CAMTA1: variants seen among roughly 807,000 people sequenced by gnomAD.
The protein encoded by CAMTA1 is calmodulin binding transcription activator 1, also known as calmodulin-binding transcription activator 1.
Under a neutral mutation model 170.9 loss-of-function variants are expected in CAMTA1, and 27 were observed. The observed-to-expected ratio is 0.16, with a 90% CI of 0.12 to 0.22. The LOEUF (loss-of-function observed/expected upper bound fraction) is 0.22. Ranked by LOEUF, CAMTA1 falls within the 10% of genes least tolerant of loss-of-function variation. The pLI is 1.00. For synonymous variants in CAMTA1, 833 were observed against 891.5 expected (o/e 0.93, Z 1.17); for missense variants, 1,619 against 2,217.2 (o/e 0.73, Z 5.42).
intron 4 of CAMTA1, among the ~76,000 whole-genome samples, chr1:7,118,439 T>G (rs1644461310): frequency 6.6e-6 from 1 of 151,134 alleles, no homozygotes; most frequent in African/African-American, 2.4e-5. Context: ...ACCACAGGAG[T>G]ACATCACCAT....
chr1:7,240,706 A>G (rs1664712723), intron 4 of CAMTA1, among the ~76,000 whole-genome samples: 1 of 151,914 alleles, frequency 6.6e-6, no homozygotes. Flanking sequence ...GGGTTTTGCC[A>G]TGTTGTCCAG....
chr1:7,353,360 T>C (rs1251056680), intron 5 of CAMTA1, among the ~76,000 whole-genome samples: 26 of 151,126 alleles, frequency 1.7e-4, no homozygotes, highest in Admixed American at 1.7e-3. Context: ...CAGTGACTCC[T>C]CTCCAGTAGC....
At chr1:7,306,344 T>C (rs1456438526) in intron 5 of CAMTA1, among the ~76,000 whole-genome samples, 2 of 152,064 alleles carry the variant, frequency 1.3e-5, no homozygotes. Flanking sequence ...TTTGTTTTTG[T>C]TTGCATTTAG....
At chr1:7,471,690 T>A (rs549305978) in intron 6 of CAMTA1, among the ~76,000 whole-genome samples, 43 of 152,358 alleles carry the variant, frequency 2.8e-4, no homozygotes, top group African/African-American at 9.9e-4. Context: ...TACCGCCTGA[T>A]GTGGGTGTCA....
Position 7,435,773 on chromosome 1 carries a change from A to G in CAMTA1, c.439-32057A>G, listed in dbSNP as rs1575311599. On this transcript the variant is annotated intron_variant, in intron 5 of 22. Coordinates refer to ENST00000303635, the MANE Select transcript of CAMTA1 (RefSeq NM_015215.4). The surrounding 1 kb of genome is among the most constrained non-coding windows in gnomAD (Gnocchi z 4.4). ...GGCCCGCCTATCTGAAGTCAGGGCA[A>G]TCCACGCAGAGAGCCCTCCTCATGG... is the stretch of plus-strand genomic sequence containing the variant. 1.3e-5 allele frequency among the ~76,000 whole-genome samples: 2 copies of G among 152,264 alleles called. No individual in the cohort carries two copies. The highest frequency in any genetic ancestry group is 2.1e-4 in the South Asian group (1 of 4,826).
At chr1:6,902,063 AC>A (rs1557793082) in intron 3 of CAMTA1, among the ~76,000 whole-genome samples, 2 of 109,672 alleles carry the variant, frequency 1.8e-5, no homozygotes, top group African/African-American at 6.6e-5. Context: ...ACACACACAC[AC>A]ACACACACAA....
At chr1:7,556,112 C>A (rs571303236) in intron 6 of CAMTA1, among the ~76,000 whole-genome samples, 28 of 152,336 alleles carry the variant, frequency 1.8e-4, no homozygotes, top group Admixed American at 1.0e-3. Context: ...CAGGAAGGAA[C>A]AAGTAAGACG....
chr1:6,838,064 G>A (rs1654004527), intron 3 of CAMTA1, among the ~76,000 whole-genome samples: 2 of 152,178 alleles, frequency 1.3e-5, no homozygotes, highest in South Asian at 4.1e-4. Flanking sequence ...ACTGTTCTAA[G>A]TATATACAAT....
rs530608214 is a variant in CAMTA1 at position 7,743,807 on chromosome 1, G to A, written c.4183-1028G>A. Among the ~76,000 whole-genome samples the A allele has an allele frequency of 1.4e-4, 21 of 151,848 alleles. No homozygotes were observed. In the South Asian group the frequency reaches 4.4e-3, roughly 32 times the overall value. On this transcript the variant is annotated intron_variant, in intron 16 of 22. Transcript: ENST00000303635. ...GAATATCTTAATCCAGACCAGCTTTGAGGATTCTTTTTTTCTTTTCTTTTC... is the reference window on the plus strand; with the variant it reads ...GAATATCTTAATCCAGACCAGCTTTAAGGATTCTTTTTTTCTTTTCTTTTC...
At chr1:7,103,883 ATG>A in intron 4 of CAMTA1, among the ~76,000 whole-genome samples, 1 of 148,602 alleles carries the variant, frequency 6.7e-6, no homozygotes, top group African/African-American at 2.5e-5. Context: ...AACTACACAC[ATG>A]TACACACAAC....
chr1:7,394,811 TTG>T (rs61154098), intron 5 of CAMTA1, among the ~76,000 whole-genome samples: 2,883 of 147,512 alleles, frequency 0.02, 99 homozygotes, highest in African/African-American at 0.064. Flanking sequence ...TTTCTTGTAG[TTG>T]TGTGTGTGTG....
chr1:7,568,022 C>G (rs2095064704), intron 6 of CAMTA1, among the ~76,000 whole-genome samples: 1 of 152,166 alleles, frequency 6.6e-6, no homozygotes, highest in African/African-American at 2.4e-5. Flanking sequence ...AGAATATTGC[C>G]TGACAGATAT....
chr1:7,109,203 G>A (rs2148355085), intron 4 of CAMTA1, among the ~76,000 whole-genome samples: 1 of 152,352 alleles, frequency 6.6e-6, no homozygotes, highest in South Asian at 2.1e-4. Context: ...TCTTAGAAGT[G>A]AGACATTAAG....
At chr1:7,310,650 TC>T (rs1382464555) in intron 5 of CAMTA1, among the ~76,000 whole-genome samples, 1 of 61,836 alleles carries the variant, frequency 1.6e-5, no homozygotes, top group Non-Finnish European at 2.9e-5. Context: ...CTTTCTTTTT[TC>T]TTTCTTTCTT....
intron 6 of CAMTA1, among the ~76,000 whole-genome samples, chr1:7,605,878 G>T (rs141660598): frequency 1.4e-4 from 21 of 152,308 alleles, no homozygotes; most frequent in African/African-American, 4.8e-4. Context: ...CACTGTGACC[G>T]CCAGAAGGGC....
intron 3 of CAMTA1, among the ~76,000 whole-genome samples, chr1:7,033,794 A>G (rs376142677): frequency 6.6e-6 from 1 of 151,856 alleles, no homozygotes; most frequent in Non-Finnish European, 1.5e-5. Context: ...GGGTTTTACC[A>G]TGTTGGCCAG....
At chr1:7,409,861 G>T (rs771740286) in intron 5 of CAMTA1, among the ~76,000 whole-genome samples, 3 of 152,208 alleles carry the variant, frequency 2.0e-5, no homozygotes, top group Non-Finnish European at 4.4e-5. Flanking sequence ...TTTGGAATCG[G>T]ACAAATCATT....
intron 3 of CAMTA1, among the ~76,000 whole-genome samples, chr1:7,012,941 G>A (rs939217804): frequency 2.0e-5 from 3 of 152,112 alleles, no homozygotes. Context: ...CTGAGTGTCT[G>A]TAATCTCTCC....
chr1:7,309,226 G>T (rs1676054144), intron 5 of CAMTA1, among the ~76,000 whole-genome samples: 1 of 151,132 alleles, frequency 6.6e-6, no homozygotes, highest in Admixed American at 6.6e-5. Context: ...CACATCGTTG[G>T]GTCATGGTTC....
Sources: allele counts gnomAD v4.1 joint callset (sites outside exome capture counted in the v4.1 genomes callset), GRCh38; gene constraint gnomAD v4.1.1; non-coding constraint Gnocchi (gnomAD v3.1); transcripts MANE v1.5; gene names NCBI Gene and HGNC (gene_info 2026-07-23, HGNC 2026-07-21).